Variants in WWP2 observed in about 807,000 individuals in gnomAD.
The protein encoded by WWP2 is NEDD4-like E3 ubiquitin-protein ligase WWP2.
WWP2 carries 57 observed loss-of-function variants against 121.0 expected under a neutral mutation model. The observed-to-expected ratio is 0.47, with a 90% confidence interval of 0.38 to 0.59. WWP2 has a LOEUF of 0.59. WWP2 is among the 20% of genes least tolerant of loss of function. The pLI, the probability that WWP2 is intolerant of heterozygous loss-of-function variation, is 0.00. For synonymous variants in WWP2, 449 were observed against 441.3 expected, an observed-to-expected ratio of 1.02 and a Z score of -0.22; for missense variants, 962 against 1,158.9, an observed-to-expected ratio of 0.83 and a Z score of 2.47.
chr16:69,929,540 G>A lies in WWP2; in HGVS notation c.1316+11G>A. 1 of 1,613,578 alleles carries A rather than the reference G, an allele frequency of 6.2e-7. No individual in the cohort carries two copies. On this transcript the variant is annotated intron_variant, in intron 12 of 23. Coordinates refer to ENST00000359154, the MANE Select transcript of WWP2 (RefSeq NM_001270454.2). ...TCCCCGGACCCAGGGGTAAGGACTT[G>A]GGCTGAGAGGGGGGCCGGGCTGGGC...
intron 10 of WWP2, among the ~76,000 whole-genome samples, chr16:69,924,225 G>A (rs2058605222): frequency 6.6e-6 from 1 of 152,318 alleles, no homozygotes; most frequent in African/African-American, 2.4e-5. Context: ...AGCTGGGGGT[G>A]GAGGGAGGGC....
intron 4 of WWP2, among the ~76,000 whole-genome samples, chr16:69,822,434 C>T (rs1015270545): frequency 4.6e-5 from 7 of 152,154 alleles, no homozygotes; most frequent in African/African-American, 1.2e-4. Context: ...GAAAGTCGAA[C>T]AAATGGTGCA....
chr16:69,776,820 T>G (rs1431142013), intron 1 of WWP2, among the ~76,000 whole-genome samples: 3 of 151,386 alleles, frequency 2.0e-5, no homozygotes, highest in Non-Finnish European at 4.4e-5. Context: ...AAGAGCGAAA[T>G]TCCATCTCGA....
At chr16:69,907,845 C>T (rs1350359035) in intron 8 of WWP2, among the ~76,000 whole-genome samples, 2 of 152,186 alleles carry the variant, frequency 1.3e-5, no homozygotes, top group Non-Finnish European at 2.9e-5. Context: ...TCTGTATTCA[C>T]CCAGATCTCG....
At chr16:69,787,380 G>C (rs1052341893) in intron 2 of WWP2, among the ~76,000 whole-genome samples, 6 of 152,150 alleles carry the variant, frequency 3.9e-5, no homozygotes, top group Non-Finnish European at 7.3e-5. Context: ...CTTAAGCCCA[G>C]AGTTTCAAGA....
chr16:69,801,238 A>G (rs2056159423), intron 4 of WWP2, among the ~76,000 whole-genome samples: 1 of 147,132 alleles, frequency 6.8e-6, no homozygotes, highest in Non-Finnish European at 1.5e-5. Context: ...TTTTATATAT[A>G]TATATTTTTT....
intron 4 of WWP2, among the ~76,000 whole-genome samples, chr16:69,809,298 T>G (rs1201762385): frequency 6.6e-6 from 1 of 152,164 alleles, no homozygotes; most frequent in African/African-American, 2.4e-5. Flanking sequence ...CATAAAGTCT[T>G]CTATTTAGAG....
chr16:69,922,189 C>T (rs900766354), intron 10 of WWP2, among the ~76,000 whole-genome samples: 1 of 151,874 alleles, frequency 6.6e-6, no homozygotes, highest in Admixed American at 6.6e-5. Flanking sequence ...CTGCAATGAG[C>T]CCCTTGCATT....
At chr16:69,817,438 A>T (rs772711584) in intron 4 of WWP2, among the ~76,000 whole-genome samples, 6 of 151,972 alleles carry the variant, frequency 3.9e-5, no homozygotes, top group African/African-American at 1.4e-4. Context: ...TAGTAGAGAC[A>T]GGGTTTTTGC....
chr16:69,866,957 G>C (rs4985449), intron 6 of WWP2, among the ~76,000 whole-genome samples: 101,964 of 151,788 alleles, frequency 0.67, 35,713 homozygotes, highest in East Asian at 0.9. Context: ...TCTGCCTCAG[G>C]CTCCTGAGTA....
Position 69,941,683 on chromosome 16 carries a change from T to A in WWP2, c.*1743T>A, listed in dbSNP as rs1434366162. ...GGCTGGTCACCAGATTGTTTTGTAA[T>A]GCCCGCCCCTTGCCTCGATATTGCC... On this transcript the variant is annotated 3_prime_UTR_variant, in exon 24 of 24. Coordinates refer to ENST00000359154, the MANE Select transcript of WWP2 (RefSeq NM_001270454.2). 6.5e-6 allele frequency: 1 copy of A among 153,748 alleles called. No homozygotes were observed. The highest frequency in any genetic ancestry group is 1.5e-5 in the Non-Finnish European group (1 of 68,058). 9.5% of individuals were successfully genotyped at this position (153,748 alleles called of 1,614,324 possible). A position where few individuals can be genotyped will look rare whatever the true frequency, so the allele number is the denominator to read the frequency against.
At chr16:69,841,753 G>T (rs1457267011) in intron 5 of WWP2, among the ~76,000 whole-genome samples, 1 of 152,154 alleles carries the variant, frequency 6.6e-6, no homozygotes, top group Non-Finnish European at 1.5e-5. Context: ...ATAAGGCAAT[G>T]TGCTTGTAAG....
At chr16:69,936,590 T>C in intron 19 of WWP2, 138 bp downstream of exon 19, 1 of 1,276,600 alleles carries the variant, frequency 7.8e-7, no homozygotes, top group East Asian at 2.5e-5. Context: ...TGGCTGCTGG[T>C]GGGCGGTCAT....
chr16:69,828,311 A>G (rs1344924089), intron 4 of WWP2, among the ~76,000 whole-genome samples: 2 of 152,048 alleles, frequency 1.3e-5, no homozygotes, highest in East Asian at 1.9e-4. Context: ...TCTTCCTCCC[A>G]TCTCTCTAGC....
chr16:69,822,427 A>G (rs2056609389), intron 4 of WWP2, among the ~76,000 whole-genome samples: 1 of 152,214 alleles, frequency 6.6e-6, no homozygotes, highest in Admixed American at 6.6e-5. Context: ...GAAAACAGAA[A>G]GTCGAACAAA....
chr16:69,765,635 C>T, intron 1 of WWP2, among the ~76,000 whole-genome samples: 1 of 152,102 alleles, frequency 6.6e-6, no homozygotes, highest in East Asian at 1.9e-4. Flanking sequence ...ACCAGCCTGA[C>T]CAACATGGTG....
intron 1 of WWP2, among the ~76,000 whole-genome samples, chr16:69,778,193 T>TA (rs370579187): frequency 0.061 from 2,384 of 38,842 alleles, 40 homozygotes; most frequent in African/African-American, 0.17. Flanking sequence ...TATATATATA[T>TA]TTTTTTTTTT....
intron 6 of WWP2, 149 bp from the exon 7 acceptor site, chr16:69,871,655 G>C: frequency 6.1e-6 from 7 of 1,153,382 alleles, no homozygotes; most frequent in Non-Finnish European, 8.4e-6. Flanking sequence ...CTTGGAACCA[G>C]CTTCTGTTTA....
At chr16:69,848,811 T>C (rs1298394733) in intron 6 of WWP2, among the ~76,000 whole-genome samples, 1 of 152,168 alleles carries the variant, frequency 6.6e-6, no homozygotes, top group Non-Finnish European at 1.5e-5. Context: ...GACCTTGGAT[T>C]TGCCTGTGGC....
Sources: allele counts gnomAD v4.1 joint callset (sites outside exome capture counted in the v4.1 genomes callset), GRCh38; gene constraint gnomAD v4.1.1; transcripts MANE v1.5; gene names NCBI Gene and HGNC (gene_info 2026-07-23, HGNC 2026-07-21).